Variants in CAPN14 observed in about 807,000 individuals in gnomAD.
The protein encoded by CAPN14 is calpain-14.
CAPN14 carries 94 observed loss-of-function variants against 101.3 expected under a neutral mutation model. The observed-to-expected ratio is 0.93, with a 90% CI of 0.79 to 1.10. The LOEUF (loss-of-function observed/expected upper bound fraction) is 1.10, where lower values mean the gene tolerates loss of function less well. Ranked by LOEUF, CAPN14 falls within the 50% of genes least tolerant of loss-of-function variation. The probability of loss-of-function intolerance (pLI) is 0.00; values close to 1 mark genes in which losing one functional copy is unlikely to be tolerated. For synonymous variants in CAPN14, 338 were observed against 317.9 expected, an observed-to-expected ratio of 1.06 and a Z score of -0.67; for missense variants, 837 against 828.4, an observed-to-expected ratio of 1.01 and a Z score of -0.13.
intron 10 of CAPN14, among the ~76,000 whole-genome samples, chr2:31,192,869 G>A (rs939660800): frequency 5.9e-5 from 9 of 152,158 alleles, no homozygotes; most frequent in Non-Finnish European, 1.0e-4. Context: ...GGTGCTGACT[G>A]CGACAGGGCA....
chr2:31,212,178 T>C (rs1682434064), intron 1 of CAPN14, among the ~76,000 whole-genome samples: 1 of 151,998 alleles, frequency 6.6e-6, no homozygotes, highest in Non-Finnish European at 1.5e-5. Flanking sequence ...GGCGCTGTGG[T>C]GGGCGCCCGT....
At chr2:31,178,070 T>C (rs1680402683) in intron 18 of CAPN14, among the ~76,000 whole-genome samples, 1 of 152,252 alleles carries the variant, frequency 6.6e-6, no homozygotes, top group Admixed American at 6.5e-5. Context: ...ACAGTCTTGG[T>C]GTGGGTAAAT....
At chr2:31,204,176 T>G (rs867394548) in intron 2 of CAPN14, among the ~76,000 whole-genome samples, 1 of 152,326 alleles carries the variant, frequency 6.6e-6, no homozygotes, top group South Asian at 2.1e-4. Context: ...TGGGCAGGAC[T>G]GAGGGAGGGC....
chr2:31,193,089 A>G (rs1681279835), intron 10 of CAPN14, 42 bp downstream of exon 10: 2 of 1,519,466 alleles, frequency 1.3e-6, no homozygotes, highest in Non-Finnish European at 8.8e-7. Flanking sequence ...ACCCCCGCCC[A>G]CAACCTCACC....
At chr2:31,178,377 C>T in intron 18 of CAPN14, 134 bp downstream of exon 18, 2 of 695,036 alleles carry the variant, frequency 2.9e-6, no homozygotes, top group East Asian at 2.8e-5. Flanking sequence ...GAAATGCTCA[C>T]CGAAGGGAGA....
At chr2:31,178,300 A>G (rs889736572) in intron 18 of CAPN14, among the ~76,000 whole-genome samples, 7 of 152,156 alleles carry the variant, frequency 4.6e-5, no homozygotes, top group Non-Finnish European at 7.4e-5. Flanking sequence ...GCATGATCAG[A>G]TATGTGTTTT....
At chr2:31,182,010 T>C (rs981438475) in intron 16 of CAPN14, among the ~76,000 whole-genome samples, 5 of 152,046 alleles carry the variant, frequency 3.3e-5, no homozygotes, top group African/African-American at 1.2e-4. Context: ...TATAGCAGCA[T>C]GATTTATAGT....
chr2:31,177,887 G>C, intron 18 of CAPN14, 66 bp from the exon 19 acceptor site: 1 of 1,190,316 alleles, frequency 8.4e-7, no homozygotes, highest in Non-Finnish European at 1.2e-6. Context: ...AGAGCCCTGT[G>C]TGCCCCTTGT....
At chr2:31,174,769 C>T in intron 21 of CAPN14, 62 bp from the exon 22 acceptor site, 1 of 1,495,166 alleles carries the variant, frequency 6.7e-7, no homozygotes, top group African/African-American at 1.4e-5. Context: ...TGGGCCTCCC[C>T]ATCCCACACT....
rs140411448 is a variant in CAPN14, at chr2:31,227,547, T to C, written c.-176-896A>G. Among the ~76,000 whole-genome samples, 94 of 152,332 alleles carry C rather than the reference T, an allele frequency of 6.2e-4. 1 individual carries two copies. In the East Asian group the frequency reaches 0.017, roughly 28 times the overall value. ...GGAACTATTTATTGAGCGCTTACTA[T>C]AGACTTATAAAAACGTATCAGGTCC... is the stretch of plus-strand genomic sequence containing the variant. On this transcript the variant is annotated intron_variant and NMD_transcript_variant, in intron 1 of 21. Transcript: ENST00000398824.
intron 1 of CAPN14, among the ~76,000 whole-genome samples, chr2:31,215,179 C>A (rs761733957): frequency 6.6e-6 from 1 of 152,180 alleles, no homozygotes; most frequent in South Asian, 2.1e-4. Context: ...GCCAATCCTT[C>A]TGATTTTTTA....
intron 10 of CAPN14, among the ~76,000 whole-genome samples, chr2:31,192,921 T>A (rs1220188838): frequency 1.3e-5 from 2 of 152,152 alleles, no homozygotes; most frequent in Non-Finnish European, 2.9e-5. Flanking sequence ...GCAGCTTGAC[T>A]GAGAGGACTC....
intron 16 of CAPN14, among the ~76,000 whole-genome samples, chr2:31,184,158 CA>C (rs1680793031): frequency 6.6e-6 from 1 of 152,206 alleles, no homozygotes; most frequent in Non-Finnish European, 1.5e-5. Context: ...GCTGGGATTA[CA>C]GGAGTGAGCC....
chr2:31,189,486 T>G lies in CAPN14; in HGVS notation c.1288-8A>C. 2 of 1,548,872 alleles carry G rather than the reference T, an allele frequency of 1.3e-6. No homozygotes were observed. The highest frequency in any genetic ancestry group is 1.7e-6 in the Non-Finnish European group (2 of 1,145,292). ...CCTCTGGTCATCATGGTACTGTGGGTAGAGGACAGAAGAACAGCAAGGGAG... is the reference window on the plus strand; with the variant it reads ...CCTCTGGTCATCATGGTACTGTGGGGAGAGGACAGAAGAACAGCAAGGGAG... On this transcript the variant is annotated splice_region_variant and splice_polypyrimidine_tract_variant and intron_variant, in intron 12 of 21. Transcript: ENST00000403897.
upstream of CAPN14, among the ~76,000 whole-genome samples, chr2:31,221,662 T>C (rs959199383): frequency 6.6e-5 from 10 of 152,166 alleles, no homozygotes; most frequent in African/African-American, 2.4e-4. Context: ...CAGGGAACAC[T>C]GATCGCCAGG....
chr2:31,226,259 T>C (rs1485111004), intron 2 of CAPN14, among the ~76,000 whole-genome samples: 1 of 152,214 alleles, frequency 6.6e-6, no homozygotes, highest in Non-Finnish European at 1.5e-5. Flanking sequence ...TATCCCACGC[T>C]CATAGGTTCT....
intron 17 of CAPN14, among the ~76,000 whole-genome samples, chr2:31,179,302 T>C (rs1680475485): frequency 1.3e-5 from 2 of 152,040 alleles, no homozygotes; most frequent in Non-Finnish European, 2.9e-5. Flanking sequence ...TTCCCACCTA[T>C]AAGTGAGAAC....
chr2:31,210,128 A>T (rs1217829831), intron 1 of CAPN14, among the ~76,000 whole-genome samples: 1 of 152,168 alleles, frequency 6.6e-6, no homozygotes, highest in African/African-American at 2.4e-5. Flanking sequence ...GACAGAAATG[A>T]ATACTGTATC....
chr2:31,200,646 C>G, intron 5 of CAPN14, 21 bp from the exon 6 acceptor site: 1 of 1,522,140 alleles, frequency 6.6e-7, no homozygotes, highest in Non-Finnish European at 8.8e-7. Context: ...AAGAAATAAA[C>G]ATGAGAGGAA....
Sources: allele counts gnomAD v4.1 joint callset (sites outside exome capture counted in the v4.1 genomes callset), GRCh38; gene constraint gnomAD v4.1.1; transcripts MANE v1.5; gene names NCBI Gene and HGNC (gene_info 2026-07-23, HGNC 2026-07-21).